The following GLIS1 variants were observed in gnomAD, a reference collection of about 807,000 sequenced individuals.
The protein encoded by GLIS1 is GLIS family zinc finger 1.
In GLIS1, 24 loss-of-function variants were observed where a neutral mutation model predicts 63.8. The observed-to-expected ratio is 0.38, with a 90% CI of 0.27 to 0.53. The LOEUF is 0.53. Among genes scored for constraint, GLIS1 ranks in the 20% least tolerant of loss-of-function variants. The probability of loss-of-function intolerance (pLI) is 0.85; values close to 1 mark genes in which losing one functional copy is unlikely to be tolerated. For missense variants in GLIS1, 1,036 were observed against 1,074.1 expected, an observed-to-expected ratio of 0.96 and a Z score of 0.50; for synonymous variants, 450 against 482.5, an observed-to-expected ratio of 0.93 and a Z score of 0.88.
intron 2 of GLIS1, among the ~76,000 whole-genome samples, chr1:53,624,618 G>A (rs1645576745): frequency 6.6e-6 from 1 of 151,324 alleles, no homozygotes; most frequent in Non-Finnish European, 1.5e-5. Flanking sequence ...CTAGCTCACT[G>A]CAGCCTTGAA....
intron 4 of GLIS1, among the ~76,000 whole-genome samples, chr1:53,543,279 A>G (rs754682263): frequency 6.6e-6 from 1 of 152,222 alleles, no homozygotes; most frequent in Non-Finnish European, 1.5e-5. Flanking sequence ...GACACGGGAA[A>G]AGCGAGGAAA....
At chr1:53,719,527 C>T (rs1646732333) in intron 2 of GLIS1, among the ~76,000 whole-genome samples, 2 of 152,188 alleles carry the variant, frequency 1.3e-5, no homozygotes, top group South Asian at 4.1e-4. Flanking sequence ...CCAATGCCTA[C>T]TGTTAAGATC....
chr1:53,649,830 T>C (rs1391032182), intron 2 of GLIS1, among the ~76,000 whole-genome samples: 2 of 152,242 alleles, frequency 1.3e-5, no homozygotes, highest in South Asian at 2.1e-4. Context: ...ATATAACATA[T>C]AAAATATGTG....
chr1:53,624,580 AC>A (rs1645576397), intron 2 of GLIS1, among the ~76,000 whole-genome samples: 2 of 151,260 alleles, frequency 1.3e-5, no homozygotes, highest in Non-Finnish European at 2.9e-5. Context: ...TCCTTCTATC[AC>A]CCAGGCTGGA....
At chr1:53,699,546 A>G (rs1454640081) in intron 2 of GLIS1, among the ~76,000 whole-genome samples, 1 of 152,192 alleles carries the variant, frequency 6.6e-6, no homozygotes, top group African/African-American at 2.4e-5. Context: ...AAAGTCTGAA[A>G]TGCTCCAACT....
In GLIS1 at chr1:53,513,493, T is replaced by C. The variant is rs186717552; in HGVS notation, c.1883+1132A>G. 5.8e-4 allele frequency among the ~76,000 whole-genome samples: 88 copies of C among 152,300 alleles called. 1 individual carries two copies. The highest frequency in any genetic ancestry group is 1.9e-3 in the African/African-American group (81 of 41,562). ...CTCTCACCATGCCTACCTTCACTCT[T>C]GCTACTCCTTCCTCCCAGCTTCTCC... On this transcript the variant is annotated intron_variant, in intron 8 of 10. Coordinates refer to ENST00000628545, the MANE Select transcript of GLIS1 (RefSeq NM_001367484.1).
intron 2 of GLIS1, among the ~76,000 whole-genome samples, chr1:53,704,416 G>A (rs1646554876): frequency 6.6e-6 from 1 of 152,272 alleles, no homozygotes; most frequent in Non-Finnish European, 1.5e-5. Context: ...ATTAGCGGCA[G>A]GGCCATTCGC....
intron 2 of GLIS1, among the ~76,000 whole-genome samples, chr1:53,607,953 T>G (rs1048862945): frequency 1.1e-5 from 1 of 93,342 alleles, no homozygotes. Flanking sequence ...CTCTCTGATG[T>G]CTCTCTTTTT....
intron 2 of GLIS1, among the ~76,000 whole-genome samples, chr1:53,661,077 T>C (rs571774372): frequency 1.3e-5 from 2 of 152,296 alleles, no homozygotes; most frequent in East Asian, 1.9e-4. Context: ...TACACATCCA[T>C]GTATGTATGT....
intron 3 of GLIS1, among the ~76,000 whole-genome samples, chr1:53,596,784 G>C (rs2100539396): frequency 6.6e-6 from 1 of 152,276 alleles, no homozygotes. Context: ...CCCTGGAAGG[G>C]AGCTGCTGAG....
chr1:53,736,524 T>A (rs1646914244), intron 2 of GLIS1, among the ~76,000 whole-genome samples: 1 of 152,164 alleles, frequency 6.6e-6, no homozygotes, highest in African/African-American at 2.4e-5. Context: ...CATGTCTCGC[T>A]GCGCAGCGCT....
Position 53,594,451 on chromosome 1 carries a change from T to A in GLIS1, c.977A>T (p.Asp326Val). Residue 326 changes from aspartate (D) to valine (V), a missense_variant, in exon 4 of 11, where the codon GAT (aspartate) becomes GTT (valine). Asp to Val is a radical substitution (Grantham distance 152, BLOSUM62 -3). This residue lies in a region of GLIS1 where 592 missense variants were observed against 593.9 expected (regional missense o/e 1.00). Transcript: ENST00000628545. ...KASFLKQEPA[D>V]EFSELFGPHQ... Reference sequence around the variant, plus strand: ...AGGCCCAAAGAGCTCTGAAAACTCATCCGCGGGTTCCTGCTTCAGGAAGCT... The same window carrying A: ...AGGCCCAAAGAGCTCTGAAAACTCAACCGCGGGTTCCTGCTTCAGGAAGCT... 6.2e-7 allele frequency: 1 copy of A among 1,612,936 alleles called. No individual in the cohort carries two copies. Among genetic ancestry groups the A allele is most frequent in the Non-Finnish European group, 8.5e-7 (1 of 1,180,002 alleles).
intron 1 of GLIS1, among the ~76,000 whole-genome samples, chr1:53,738,516 C>T (rs896538445): frequency 6.6e-6 from 1 of 152,110 alleles, no homozygotes; most frequent in Non-Finnish European, 1.5e-5. Context: ...GGCGAAGCCC[C>T]GGAGACGGCT....
In GLIS1 at chr1:53,737,936, GC is replaced by G; in HGVS notation, c.128del (p.Gly43AlafsTer12). ...HMAFRVTVSG[G>X]GCGDRGPRDL... ...CCCGCGGGCCCCTGTCCCCGCAGCCGCCGCCACTCACGGTGACCCTGAAGGC... is the reference window on the plus strand; with the variant it reads ...CCCGCGGGCCCCTGTCCCCGCAGCCGCGCCACTCACGGTGACCCTGAAGGC... On this transcript the variant is annotated frameshift_variant, in exon 2 of 11. Transcript: ENST00000628545. LOFTEE classifies it high-confidence loss of function. 2 of 1,230,026 alleles carry G rather than the reference GC, an allele frequency of 1.6e-6. No homozygotes were observed. The highest frequency in any genetic ancestry group is 2.0e-6 in the Non-Finnish European group (2 of 986,792). The allele number at this position is 1,230,026 out of a possible 1,614,324, so 76.2% of individuals were successfully genotyped here. A position where few individuals can be genotyped will look rare whatever the true frequency, so the allele number is the denominator to read the frequency against.
At position 53,539,336 on chromosome 1, in the gene GLIS1, T is replaced by A. The variant is rs1644616343; in HGVS notation, c.1321-9384A>T. On this transcript the variant is annotated intron_variant, in intron 4 of 10. Coordinates refer to ENST00000628545, the MANE Select transcript of GLIS1 (RefSeq NM_001367484.1). The surrounding 1 kb of genome is among the most constrained non-coding windows in gnomAD (Gnocchi z 5.0). ...ACACACACCCCAATTCACCCACACA[T>A]ACCATATCCCCACATATATACCACA... is the stretch of plus-strand genomic sequence containing the variant. Among the ~76,000 whole-genome samples the A allele has an allele frequency of 6.9e-6, 1 of 144,418 alleles. No individual in the cohort carries two copies. The highest frequency in any genetic ancestry group is 1.5e-5 in the Non-Finnish European group (1 of 66,536). 94.7% of individuals were successfully genotyped at this position (144,418 alleles called of 152,430 possible).
chr1:53,738,190 GC>G (rs34312215), intron 1 of GLIS1, 84 bp from the exon 2 acceptor site: 4 of 804,918 alleles, frequency 5.0e-6, no homozygotes, highest in Non-Finnish European at 6.7e-6. Flanking sequence ...GCAGGTCACT[GC>G]CCCTTCGGTG....
intron 4 of GLIS1, among the ~76,000 whole-genome samples, chr1:53,568,087 C>T (rs1278347496): frequency 1.3e-5 from 2 of 152,222 alleles, no homozygotes; most frequent in Non-Finnish European, 2.9e-5. Context: ...GTACTCAACA[C>T]CAGCTCATGA....
Position 53,658,089 on chromosome 1 carries a change from C to T in GLIS1, c.260-57811G>A, listed in dbSNP as rs1447085792. ...CTATCCACCCCTATGCTCACCATTC[C>T]CCAGATGGAGCACACTCTTCAGAGG... is the stretch of plus-strand genomic sequence containing the variant. On this transcript the variant is annotated intron_variant, in intron 2 of 10. Coordinates refer to ENST00000628545, the MANE Select transcript of GLIS1 (RefSeq NM_001367484.1). Among the ~76,000 whole-genome samples, 4 of 152,238 alleles carry T rather than the reference C, an allele frequency of 2.6e-5. No individual in the cohort carries two copies. The East Asian group carries it at 7.7e-4, about 29-fold the overall frequency.
At chr1:53,716,514 G>A (rs1646700154) in intron 2 of GLIS1, among the ~76,000 whole-genome samples, 2 of 152,100 alleles carry the variant, frequency 1.3e-5, no homozygotes, top group South Asian at 4.1e-4. Flanking sequence ...GAAATGAATG[G>A]AAAACAGGAA....
Sources: gnomAD v4.1 joint callset for allele counts (sites outside exome capture counted in the v4.1 genomes callset) on GRCh38, gnomAD v4.1.1 for gene constraint, gnomAD v4.1.1 regional missense constraint, Gnocchi (gnomAD v3.1) non-coding constraint, MANE v1.5 for transcripts, NCBI Gene and HGNC (gene_info 2026-07-23, HGNC 2026-07-21) for gene names.